The following MORN1 variants were observed in gnomAD, a reference collection of about 807,000 sequenced individuals.
MORN1 encodes MORN repeat-containing protein 1.
In MORN1, 67 loss-of-function variants were observed where a neutral mutation model predicts 61.9. The observed-to-expected ratio is 1.08, with a 90% confidence interval of 0.89 to 1.33. The LOEUF is 1.33. Among genes scored for constraint, MORN1 ranks in the 40% most tolerant of loss-of-function variants. The pLI is 0.00. For missense variants in MORN1, 752 were observed against 691.2 expected, an observed-to-expected ratio of 1.09 and a Z score of -0.99; for synonymous variants, 301 against 292.0, an observed-to-expected ratio of 1.03 and a Z score of -0.31.
rs191082791 is a variant in MORN1, at chr1:2,345,517, C to T, written c.1037-8667G>A. Reference sequence around the variant, plus strand: ...CCGGGGGACCCCCTGCCCTGCCAGCCGGACCCTCAGGCCGCTCAGAGGGCC... The same window carrying T: ...CCGGGGGACCCCCTGCCCTGCCAGCTGGACCCTCAGGCCGCTCAGAGGGCC... On this transcript the variant is annotated intron_variant, in intron 10 of 13. Coordinates refer to ENST00000378531, the MANE Select transcript of MORN1 (RefSeq NM_024848.3). Among the ~76,000 whole-genome samples, 299 of 152,338 alleles carry T rather than the reference C, an allele frequency of 2.0e-3. 1 individual carries two copies. Among genetic ancestry groups the T allele is most frequent in the African/African-American group, 6.2e-3 (256 of 41,588 alleles).
At chr1:2,325,102 C>CCCTTTCCTT (rs1640976502) in intron 12 of MORN1, among the ~76,000 whole-genome samples, 1 of 66,342 alleles carries the variant, frequency 1.5e-5, no homozygotes, top group African/African-American at 7.7e-5. Context: ...TCTTTCTCTC[C>CCCTTTCCTT]CCTTTCCTTC....
At chr1:2,325,121 C>T (rs1569903989) in intron 12 of MORN1, among the ~76,000 whole-genome samples, 1 of 86,724 alleles carries the variant, frequency 1.2e-5, no homozygotes, top group Non-Finnish European at 2.1e-5. Flanking sequence ...TCCCTTCCTT[C>T]CCTTCCTTCC....
At chr1:2,373,574 C>T (rs573915527) in intron 7 of MORN1, among the ~76,000 whole-genome samples, 34 of 152,172 alleles carry the variant, frequency 2.2e-4, no homozygotes, top group Non-Finnish European at 4.1e-4. Flanking sequence ...TGCTGAGGAT[C>T]CAGGGGCCCC....
At chr1:2,350,402 A>G (rs1445371559) in intron 10 of MORN1, 1 of 152,374 alleles carries the variant, frequency 6.6e-6, no homozygotes, top group South Asian at 2.1e-4. Context: ...AGGCCTCCAG[A>G]AAGAGAAAGG....
At chr1:2,335,419 C>G (rs1239312376) in intron 12 of MORN1, among the ~76,000 whole-genome samples, 2 of 152,176 alleles carry the variant, frequency 1.3e-5, no homozygotes, top group African/African-American at 4.8e-5. Context: ...CTCGAGGGCC[C>G]AAGACCCCGT....
intron 13 of MORN1, 39 bp downstream of exon 13, chr1:2,324,058 T>C: frequency 2.5e-6 from 4 of 1,573,422 alleles, no homozygotes; most frequent in Non-Finnish European, 3.4e-6. Context: ...CTCCAGACAG[T>C]GGCACAGCCG....
In MORN1 at chr1:2,384,908, C is replaced by T. The variant is rs546597494; in HGVS notation, c.537+70G>A. 744 of 1,351,040 alleles carry T rather than the reference C, an allele frequency of 5.5e-4. 11 individuals are homozygous for T. The South Asian group carries it at 9.2e-3, about 17-fold the overall frequency. 83.7% of individuals were successfully genotyped at this position (1,351,040 alleles called of 1,614,324 possible). On this transcript the variant is annotated intron_variant, in intron 6 of 13. Coordinates refer to ENST00000378531, the MANE Select transcript of MORN1 (RefSeq NM_024848.3). ...AGCTGCCAGGGTGAGGCTCCCCATA[C>T]ACCCCACGCGCCCTGCCCACCACGA...
chr1:2,376,218 G>C (rs1007772171), intron 6 of MORN1: 2 of 152,366 alleles, frequency 1.3e-5, no homozygotes, highest in African/African-American at 4.8e-5. Flanking sequence ...CCACCAAACT[G>C]GGTGAGAGTC....
At chr1:2,368,000 T>C (rs916900567) in intron 8 of MORN1, among the ~76,000 whole-genome samples, 1 of 152,208 alleles carries the variant, frequency 6.6e-6, no homozygotes, top group African/African-American at 2.4e-5. Flanking sequence ...AAAGTCTTCA[T>C]AGATATGACA....
At chr1:2,342,993 C>A (rs1403689380) in intron 10 of MORN1, among the ~76,000 whole-genome samples, 1 of 151,860 alleles carries the variant, frequency 6.6e-6, no homozygotes, top group Non-Finnish European at 1.5e-5. Flanking sequence ...CCCGCCTCAG[C>A]CTCCCAAAGT....
Position 2,330,637 on chromosome 1 carries a change from C to G in MORN1, c.1250+5832G>C, listed in dbSNP as rs187277688. Among the ~76,000 whole-genome samples, 50 of 152,348 alleles carry G rather than the reference C, an allele frequency of 3.3e-4. 1 individual carries two copies. The highest frequency in any genetic ancestry group is 9.1e-4 in the African/African-American group (38 of 41,588). On this transcript the variant is annotated intron_variant, in intron 12 of 13. Coordinates refer to ENST00000378531, the MANE Select transcript of MORN1 (RefSeq NM_024848.3). ...TGATTAAATGACTAATCGCAGAAGT[C>G]TTAATTAAGCCCATTTTTCTCGGAG...
chr1:2,387,057 A>T (rs1642514123), intron 4 of MORN1: 1 of 265,064 alleles, frequency 3.8e-6, no homozygotes, highest in Non-Finnish European at 7.4e-6. Flanking sequence ...CCATTTAGTG[A>T]CCCCACATAG....
intron 10 of MORN1, among the ~76,000 whole-genome samples, chr1:2,354,105 C>T (rs1311587583): frequency 3.9e-5 from 6 of 151,914 alleles, no homozygotes; most frequent in Admixed American, 1.3e-4. Flanking sequence ...GCCAACACGG[C>T]GAAACCCCAT....
chr1:2,354,957 C>T (rs1641727250), intron 10 of MORN1, among the ~76,000 whole-genome samples: 2 of 152,196 alleles, frequency 1.3e-5, no homozygotes, highest in African/African-American at 4.8e-5. Context: ...ATCTTTTGTG[C>T]TGGAGAATTT....
At position 2,343,763 on chromosome 1, in the gene MORN1, C is replaced by T. The variant is rs371794342; in HGVS notation, c.1037-6913G>A. On this transcript the variant is annotated intron_variant, in intron 10 of 13. Transcript: ENST00000378531. The stretch of plus-strand genomic sequence containing the variant: ...GCACAGCCGCAGAGGCCAGCTTTCC[C>T]GGGGACTGGCTGCCTCCCCAGGCTT... 5.9e-4 allele frequency among the ~76,000 whole-genome samples: 90 copies of T among 152,298 alleles called. No individual in the cohort carries two copies. The Middle Eastern group carries it at 0.01, about 17-fold the overall frequency.
At chr1:2,390,710 C>A (rs1570064263) in intron 1 of MORN1, 1 of 984,956 alleles carries the variant, frequency 1.0e-6, no homozygotes, top group African/African-American at 1.7e-5. Flanking sequence ...CATTCCAGAC[C>A]CGTTTATTTG....
At chr1:2,386,019 C>T in intron 4 of MORN1, 122 bp from the exon 5 acceptor site, 1 of 777,406 alleles carries the variant, frequency 1.3e-6, no homozygotes, top group South Asian at 1.5e-5. Flanking sequence ...AGGCATGGGG[C>T]TCAGGGCCCC....
chr1:2,379,257 C>A, intron 6 of MORN1: 1 of 428,140 alleles, frequency 2.3e-6, no homozygotes, highest in Non-Finnish European at 4.8e-6. Flanking sequence ...GGGCATGATC[C>A]GAGGTGGGCA....
At chr1:2,391,003 C>G (rs1029786498) in intron 1 of MORN1, among the ~76,000 whole-genome samples, 4 of 152,206 alleles carry the variant, frequency 2.6e-5, no homozygotes, top group African/African-American at 9.6e-5. Flanking sequence ...GCCTCGGCCT[C>G]CCAAAGTGCT....
Sources: allele counts gnomAD v4.1 joint callset (sites outside exome capture counted in the v4.1 genomes callset), GRCh38; gene constraint gnomAD v4.1.1; transcripts MANE v1.5; gene names NCBI Gene and HGNC (gene_info 2026-07-23, HGNC 2026-07-21).